The following RBMS3 variants were observed in gnomAD, a reference collection of about 807,000 sequenced individuals.
RBMS3 encodes the protein RNA-binding motif, single-stranded-interacting protein 3.
RBMS3 carries 27 observed loss-of-function variants against 66.8 expected under a neutral mutation model. The observed-to-expected ratio is 0.40, with a 90% CI of 0.30 to 0.56. The LOEUF is 0.56. Ranked by LOEUF, RBMS3 falls within the 20% of genes least tolerant of loss-of-function variation. The pLI is 0.40. For synonymous variants in RBMS3, 188 were observed against 183.0 expected (o/e 1.03, Z -0.22); for missense variants, 513 against 549.5 (o/e 0.93, Z 0.66).
intron 12 of RBMS3, among the ~76,000 whole-genome samples, chr3:29,951,221 G>A (rs1380058823): frequency 2.6e-5 from 4 of 151,792 alleles, no homozygotes; most frequent in Admixed American, 1.3e-4. Flanking sequence ...AAACATCTTA[G>A]GAGAAGGACA....
At chr3:29,441,824 G>C (rs551710162) in intron 2 of RBMS3, among the ~76,000 whole-genome samples, 2 of 152,082 alleles carry the variant, frequency 1.3e-5, no homozygotes, top group African/African-American at 4.8e-5. Context: ...CACACAAATC[G>C]GAAAACATAA....
Position 29,607,480 on chromosome 3 carries a change from A to G in RBMS3, c.399+20275A>G, listed in dbSNP as rs576582030. 3.9e-5 allele frequency among the ~76,000 whole-genome samples: 6 copies of G among 152,068 alleles called. No homozygotes were observed. The East Asian group carries it at 1.2e-3, about 29-fold the overall frequency. On this transcript the variant is annotated intron_variant, in intron 4 of 14. Coordinates refer to ENST00000383767, the MANE Select transcript of RBMS3 (RefSeq NM_001003793.3). The stretch of plus-strand genomic sequence containing the variant: ...TATAAGGATATTATTCCCATATATG[A>G]GGGTTCTGCCTTTATGATCTAATGA...
intron 1 of RBMS3, among the ~76,000 whole-genome samples, chr3:29,333,381 C>G (rs1327971868): frequency 6.6e-6 from 1 of 152,044 alleles, no homozygotes; most frequent in African/African-American, 2.4e-5. Context: ...GTAGCATCAG[C>G]ACGTATAACA....
chr3:29,418,492 T>C (rs943378679), intron 1 of RBMS3, among the ~76,000 whole-genome samples: 1 of 152,146 alleles, frequency 6.6e-6, no homozygotes, highest in East Asian at 1.9e-4. Context: ...CATAGCCAGA[T>C]TCAGGATGAA....
At chr3:29,893,600 A>G (rs2060054489) in intron 8 of RBMS3, among the ~76,000 whole-genome samples, 1 of 151,452 alleles carries the variant, frequency 6.6e-6, no homozygotes, top group South Asian at 2.1e-4. Context: ...AGCCCCAAAT[A>G]CTGTTCACTG....
intron 12 of RBMS3, among the ~76,000 whole-genome samples, chr3:29,952,135 A>C (rs2149716907): frequency 6.6e-6 from 1 of 151,940 alleles, no homozygotes; most frequent in South Asian, 2.1e-4. Flanking sequence ...TGTGGTGATT[A>C]TATGCATGAT....
chr3:29,458,858 G>A (rs923194880), intron 2 of RBMS3, among the ~76,000 whole-genome samples: 6 of 152,196 alleles, frequency 3.9e-5, no homozygotes, highest in Non-Finnish European at 5.9e-5. Context: ...CACACTGTCA[G>A]CTAAGCATAT....
chr3:29,798,636 G>T (rs2057292628), intron 6 of RBMS3, among the ~76,000 whole-genome samples: 1 of 152,126 alleles, frequency 6.6e-6, no homozygotes, highest in African/African-American at 2.4e-5. Flanking sequence ...GTTGTTGTTG[G>T]CATGTTATGC....
chr3:29,372,910 C>T (rs2038280575), intron 1 of RBMS3, among the ~76,000 whole-genome samples: 1 of 151,224 alleles, frequency 6.6e-6, no homozygotes, highest in Admixed American at 6.6e-5. Context: ...AGAAAAAACG[C>T]CTTGAAACCA....
intron 4 of RBMS3, among the ~76,000 whole-genome samples, chr3:29,695,302 A>G (rs79755653): frequency 0.027 from 4,128 of 152,290 alleles, 80 homozygotes; most frequent in Admixed American, 0.064. Context: ...TTAATAAAAA[A>G]GGATTAGTGA....
At chr3:29,957,274 A>C (rs1696107795) in intron 12 of RBMS3, among the ~76,000 whole-genome samples, 1 of 152,038 alleles carries the variant, frequency 6.6e-6, no homozygotes, top group Non-Finnish European at 1.5e-5. Flanking sequence ...ATTCATATTT[A>C]CCTTATTTCT....
intron 1 of RBMS3, among the ~76,000 whole-genome samples, chr3:29,354,509 T>C (rs2037103697): frequency 6.6e-6 from 1 of 152,128 alleles, no homozygotes; most frequent in South Asian, 2.1e-4. Flanking sequence ...TATGTGTGTA[T>C]AGATATAGAC....
intron 10 of RBMS3, among the ~76,000 whole-genome samples, chr3:29,930,256 C>A (rs1280451644): frequency 6.6e-6 from 1 of 151,050 alleles, no homozygotes; most frequent in Non-Finnish European, 1.5e-5. Flanking sequence ...GGACTACAGG[C>A]GCCTACCACC....
rs1226121639 is a variant in RBMS3, at chr3:29,527,138, C to A, written c.307+38639C>A. 8.5e-5 allele frequency among the ~76,000 whole-genome samples: 11 copies of A among 129,444 alleles called. No individual in the cohort carries two copies. The Admixed American group carries it at 1.0e-3, about 12-fold the overall frequency. The allele number at this position is 129,444 out of a possible 152,430, so 84.9% of individuals were successfully genotyped here. A position where few individuals can be genotyped will look rare whatever the true frequency, so the allele number is the denominator to read the frequency against. The stretch of plus-strand genomic sequence containing the variant: ...CCAGGCCATGATATCTAGGAGGACC[C>A]AACGAGTGACAATAGGGTTTCAGAC... On this transcript the variant is annotated intron_variant, in intron 3 of 14. Transcript: ENST00000383767.
intron 6 of RBMS3, among the ~76,000 whole-genome samples, chr3:29,778,794 A>C (rs2056516474): frequency 1.3e-5 from 2 of 151,910 alleles, no homozygotes; most frequent in Non-Finnish European, 2.9e-5. Flanking sequence ...TAAATACATT[A>C]AACTACATAG....
intron 5 of RBMS3, among the ~76,000 whole-genome samples, chr3:29,743,504 C>T (rs2149354508): frequency 6.6e-6 from 1 of 152,266 alleles, no homozygotes. Flanking sequence ...TTTCCTGCCC[C>T]CAATCTACCG....
At chr3:29,356,442 C>T (rs1265822532) in intron 1 of RBMS3, among the ~76,000 whole-genome samples, 1 of 152,128 alleles carries the variant, frequency 6.6e-6, no homozygotes, top group Non-Finnish European at 1.5e-5. Context: ...CCAAAGAACC[C>T]TGTGAATAAA....
intron 12 of RBMS3, among the ~76,000 whole-genome samples, chr3:29,980,953 T>C (rs1489264084): frequency 6.6e-6 from 1 of 152,208 alleles, no homozygotes; most frequent in Non-Finnish European, 1.5e-5. Flanking sequence ...AGTAGTTTTT[T>C]CTAATTCTGT....
chr3:29,493,082 G>A (rs56953323), intron 3 of RBMS3, among the ~76,000 whole-genome samples: 5,643 of 152,172 alleles, frequency 0.037, 255 homozygotes, highest in East Asian at 0.24. Context: ...GAGCACTCTC[G>A]TTTTCCTTAC....
Sources: allele counts gnomAD v4.1 joint callset (sites outside exome capture counted in the v4.1 genomes callset), GRCh38; gene constraint gnomAD v4.1.1; transcripts MANE v1.5; gene names NCBI Gene and HGNC (gene_info 2026-07-23, HGNC 2026-07-21).